The following GBP7 variants were observed in gnomAD, a reference collection of about 807,000 sequenced individuals.
GBP7 encodes the protein guanylate-binding protein 7.
GBP7 carries 43 observed loss-of-function variants against 61.3 expected under a neutral mutation model. The ratio of observed to expected loss-of-function variants is 0.70; its 90% confidence interval spans 0.55 to 0.91. The LOEUF is 0.91. Among genes scored for constraint, GBP7 ranks in the 40% least tolerant of loss-of-function variants. GBP7 has a pLI of 0.00. For synonymous variants in GBP7, 267 were observed against 271.0 expected (o/e 0.99, Z 0.14); for missense variants, 717 against 740.5 (o/e 0.97, Z 0.37).
chr1:89,163,732 G>T (rs981967053), intron 3 of GBP7, among the ~76,000 whole-genome samples: 8 of 152,020 alleles, frequency 5.3e-5, no homozygotes, highest in African/African-American at 1.9e-4. Context: ...TTTGTGTGGG[G>T]CTAGCTCACA....
rs1682349774 is a variant in GBP7 at position 89,157,750 on chromosome 1, C to T, written c.319-4973G>A. On this transcript the variant is annotated intron_variant, in intron 3 of 10. Coordinates refer to ENST00000294671, the MANE Select transcript of GBP7 (RefSeq NM_207398.3). Reference sequence around the variant, plus strand: ...CAAAAAAAAAAAGTCCAGGACCAGACAGATTCACAGCTGAATTCTACCAGA... The same window carrying T: ...CAAAAAAAAAAAGTCCAGGACCAGATAGATTCACAGCTGAATTCTACCAGA... 2.0e-5 allele frequency among the ~76,000 whole-genome samples: 3 copies of T among 151,640 alleles called. No homozygotes were observed. In the South Asian group the frequency reaches 6.2e-4, roughly 32 times the overall value.
chr1:89,153,101 T>C (rs1159807345), intron 3 of GBP7, among the ~76,000 whole-genome samples: 1 of 152,238 alleles, frequency 6.6e-6, no homozygotes, highest in Non-Finnish European at 1.5e-5. Flanking sequence ...GGAGAGCATC[T>C]TGGTATGAAG....
intron 3 of GBP7, among the ~76,000 whole-genome samples, chr1:89,161,153 AC>A (rs1647256183): frequency 1.3e-5 from 2 of 152,144 alleles, no homozygotes; most frequent in African/African-American, 4.8e-5. Context: ...GTGTATATGT[AC>A]CACATTTTCT....
At chr1:89,144,958 T>C (rs1570345842) in intron 8 of GBP7, among the ~76,000 whole-genome samples, 1 of 149,942 alleles carries the variant, frequency 6.7e-6, no homozygotes, top group East Asian at 2.0e-4. Context: ...CACTCTTTTT[T>C]TTTTTTTTTT....
chr1:89,137,133 T>TTTGG (rs1272859850), intron 9 of GBP7, among the ~76,000 whole-genome samples: 2 of 151,964 alleles, frequency 1.3e-5, no homozygotes, highest in African/African-American at 4.8e-5. Flanking sequence ...AACAGACTAA[T>TTTGG]AACAAGTTCC....
In GBP7 at chr1:89,150,384, A is replaced by G. The variant is rs1355121118; in HGVS notation, c.817T>C (p.Phe273Leu). 1 of 1,613,810 alleles carries G rather than the reference A, an allele frequency of 6.2e-7. No individual in the cohort carries two copies. The highest frequency in any genetic ancestry group is 1.3e-5 in the African/African-American group (1 of 74,912). ...AGGGTCTTGGTCTTTGCATGGGTGA[A>G]GATATAAGAACAGAAATTTTCTGAT... The part of the protein sequence containing the change: ...MQSENFCSYI[F>L]THAKTKTLRE... The change falls in exon 6 of 11, where the codon TTC becomes CTC. Residue 273 changes from phenylalanine to leucine, a missense_variant. Coordinates refer to ENST00000294671, the MANE Select transcript of GBP7 (RefSeq NM_207398.3).
At chr1:89,174,766 C>T (rs868846083) in intron 1 of GBP7, among the ~76,000 whole-genome samples, 1 of 152,134 alleles carries the variant, frequency 6.6e-6, no homozygotes, top group African/African-American at 2.4e-5. Context: ...TGATTTTTGA[C>T]TTGATTATGT....
In GBP7 at chr1:89,141,539, C is replaced by T. The variant is rs10922577; in HGVS notation, c.1468+7G>A. On this transcript the variant is annotated splice_region_variant and intron_variant, in intron 9 of 10. Coordinates refer to ENST00000294671, the MANE Select transcript of GBP7 (RefSeq NM_207398.3). ...ATTTGCCTGAGAGCTGAGCCCTGCC[C>T]CTGTACCTGCTATGGCCTTCTCTCC... is the stretch of plus-strand genomic sequence containing the variant. 3.7e-3 allele frequency: 5,974 copies of T among 1,612,672 alleles called. 181 individuals carry two copies. The African/African-American group carries it at 0.069, about 19-fold the overall frequency.
chr1:89,138,981 G>A (rs896081998), intron 9 of GBP7, among the ~76,000 whole-genome samples: 4 of 151,958 alleles, frequency 2.6e-5, no homozygotes, highest in Non-Finnish European at 5.9e-5. Flanking sequence ...AAGAAATTAA[G>A]AACAAAGCAA....
chr1:89,147,150 A>G (rs1682087707), intron 8 of GBP7, among the ~76,000 whole-genome samples: 1 of 152,228 alleles, frequency 6.6e-6, no homozygotes, highest in Non-Finnish European at 1.5e-5. Context: ...TCATTTCATC[A>G]TCACCATCAT....
intron 3 of GBP7, among the ~76,000 whole-genome samples, chr1:89,162,708 C>G (rs1647310400): frequency 6.6e-6 from 1 of 152,192 alleles, no homozygotes; most frequent in African/African-American, 2.4e-5. Context: ...CATTGACAAA[C>G]AGCAAGAGTT....
At position 89,141,548 on chromosome 1, in the gene GBP7, G is replaced by C; in HGVS notation, c.1466C>G (p.Ala489Gly). 2 of 1,613,394 alleles carry C rather than the reference G, an allele frequency of 1.2e-6. No homozygotes were observed. Among genetic ancestry groups the C allele is most frequent in the Non-Finnish European group, 1.7e-6 (2 of 1,179,490 alleles). Residue 489 changes from alanine (A) to glycine (G), a missense_variant and splice_region_variant, in exon 9 of 11, where the codon GCA becomes GGA. Ala to Gly is a moderately conservative substitution (Grantham distance 60). This residue lies in a region of GBP7 where 312 missense variants were observed against 310.1 expected (regional missense o/e 1.01). Coordinates refer to ENST00000294671, the MANE Select transcript of GBP7 (RefSeq NM_207398.3). ...KALTAGEKAIAAKQAKKEAAE... is the reference protein window; with the variant it reads ...KALTAGEKAIGAKQAKKEAAE... The stretch of plus-strand genomic sequence containing the variant: ...AGAGCTGAGCCCTGCCCCTGTACCT[G>C]CTATGGCCTTCTCTCCAGCAGTGAG...
At chr1:89,151,799 G>A (rs929615913) in intron 5 of GBP7, among the ~76,000 whole-genome samples, 1 of 151,816 alleles carries the variant, frequency 6.6e-6, no homozygotes, top group African/African-American at 2.4e-5. Flanking sequence ...TTCTCTAAAG[G>A]TTATAAGTAT....
intron 3 of GBP7, among the ~76,000 whole-genome samples, chr1:89,154,013 T>G (rs1682260183): frequency 6.6e-6 from 1 of 152,138 alleles, no homozygotes; most frequent in Admixed American, 6.5e-5. Flanking sequence ...TGAATAGGTA[T>G]GTGGAGAAGA....
rs1047083050 is a variant in GBP7 at position 89,153,520 on chromosome 1, A to G, written c.319-743T>C. On this transcript the variant is annotated intron_variant, in intron 3 of 10. Coordinates refer to ENST00000294671, the MANE Select transcript of GBP7 (RefSeq NM_207398.3). ...TTTGCAAATTTTCTCAATCATGCCTATATTAGGAATGCCAATGTTAATCAA... is the reference window on the plus strand; with the variant it reads ...TTTGCAAATTTTCTCAATCATGCCTGTATTAGGAATGCCAATGTTAATCAA... 2.0e-5 allele frequency among the ~76,000 whole-genome samples: 3 copies of G among 152,346 alleles called. No individual in the cohort carries two copies. In the South Asian group the frequency reaches 6.2e-4, roughly 32 times the overall value.
At chr1:89,163,210 G>A (rs1358583251) in intron 3 of GBP7, among the ~76,000 whole-genome samples, 1 of 152,002 alleles carries the variant, frequency 6.6e-6, no homozygotes, top group Non-Finnish European at 1.5e-5. Flanking sequence ...AAGGATATTG[G>A]CCTGAAATTT....
intron 3 of GBP7, among the ~76,000 whole-genome samples, chr1:89,157,403 C>CA (rs1682341396): frequency 6.6e-6 from 1 of 151,968 alleles, no homozygotes; most frequent in Non-Finnish European, 1.5e-5. Context: ...TTCAAAAAAT[C>CA]AATGAATCAA....
At chr1:89,149,677 A>T in intron 6 of GBP7, 105 bp from the exon 7 acceptor site, 1 of 959,968 alleles carries the variant, frequency 1.0e-6, no homozygotes. Flanking sequence ...TCCATTTAAC[A>T]TGAATTTTCC....
At position 89,149,505 on chromosome 1, in the gene GBP7, A is replaced by G. The variant is rs778060674; in HGVS notation, c.939T>C (p.Asn313=). The part of the protein sequence containing the change: ...INSGATPCLE[N]AMAVLAQCEN... Reference sequence around the variant, plus strand: ...CACACTGGGCCAGAACTGCCATTGCATTCTCCAGACAAGGAGTCGCTCCAC... The same window carrying G: ...CACACTGGGCCAGAACTGCCATTGCGTTCTCCAGACAAGGAGTCGCTCCAC... The change falls in exon 7 of 11, where the codon AAT becomes AAC. Residue 313 remains asparagine, a synonymous_variant. Coordinates refer to ENST00000294671, the MANE Select transcript of GBP7 (RefSeq NM_207398.3). The G allele has an allele frequency of 3.1e-6, 5 of 1,614,152 alleles. No homozygotes were observed. In the East Asian group the frequency reaches 8.9e-5, roughly 29 times the overall value.
Sources: allele counts gnomAD v4.1 joint callset (sites outside exome capture counted in the v4.1 genomes callset), GRCh38; gene constraint gnomAD v4.1.1; regional missense constraint gnomAD v4.1.1; transcripts MANE v1.5; gene names NCBI Gene and HGNC (gene_info 2026-07-23, HGNC 2026-07-21).